The following AMPH variants were observed in gnomAD, a reference collection of about 807,000 sequenced individuals.
AMPH encodes amphiphysin.
Under a neutral mutation model 99.1 loss-of-function variants are expected in AMPH, and 49 were observed. The observed-to-expected ratio is 0.49, with a 90% confidence interval of 0.39 to 0.63. AMPH has a LOEUF of 0.63. Ranked by LOEUF, AMPH falls within the 20% of genes least tolerant of loss-of-function variation. AMPH has a pLI of 0.00. For synonymous variants in AMPH, 314 were observed against 317.3 expected (o/e 0.99, Z 0.11); for missense variants, 759 against 863.4 (o/e 0.88, Z 1.52).
At chr7:38,565,100 G>A (rs1163450048) in intron 1 of AMPH, among the ~76,000 whole-genome samples, 2 of 149,388 alleles carry the variant, frequency 1.3e-5, no homozygotes, top group African/African-American at 5.0e-5. Flanking sequence ...CTCCAGCCTG[G>A]GTGACAGAGC....
chr7:38,411,391 T>C (rs1380206082), intron 17 of AMPH, among the ~76,000 whole-genome samples: 1 of 152,182 alleles, frequency 6.6e-6, no homozygotes, highest in East Asian at 1.9e-4. Flanking sequence ...ACAAGGCAAC[T>C]TGCTGGGGAA....
chr7:38,582,957 T>G (rs1210108618), intron 1 of AMPH, among the ~76,000 whole-genome samples: 1 of 152,210 alleles, frequency 6.6e-6, no homozygotes, highest in South Asian at 2.1e-4. Flanking sequence ...TATTATATTT[T>G]TGTCTAAGGG....
intron 17 of AMPH, among the ~76,000 whole-genome samples, chr7:38,403,921 T>C (rs1562730307): frequency 6.6e-6 from 1 of 152,184 alleles, no homozygotes; most frequent in Non-Finnish European, 1.5e-5. Context: ...GCCTATGCCA[T>C]TTGGGTTTGC....
intron 1 of AMPH, among the ~76,000 whole-genome samples, chr7:38,569,262 TA>T (rs887122063): frequency 1.4e-3 from 197 of 143,282 alleles, no homozygotes; most frequent in South Asian, 1.8e-3. Context: ...TTCTACTGTT[TA>T]AAAAAAAAAA....
At chr7:38,465,255 A>G (rs1787606171) in intron 9 of AMPH, among the ~76,000 whole-genome samples, 1 of 152,210 alleles carries the variant, frequency 6.6e-6, no homozygotes, top group African/African-American at 2.4e-5. Context: ...CAGAAAGTCA[A>G]TGCTGTTGTG....
chr7:38,439,846 G>A (rs543299017), intron 11 of AMPH, among the ~76,000 whole-genome samples: 18 of 152,164 alleles, frequency 1.2e-4, no homozygotes, highest in East Asian at 9.6e-4. Flanking sequence ...GTAAAGTACC[G>A]GACCTCTTCC....
intron 2 of AMPH, among the ~76,000 whole-genome samples, chr7:38,524,428 C>T (rs1299822215): frequency 6.6e-6 from 1 of 152,220 alleles, no homozygotes; most frequent in African/African-American, 2.4e-5. Context: ...GTCTTTTCAT[C>T]CCCTTCACAG....
intron 1 of AMPH, among the ~76,000 whole-genome samples, chr7:38,537,488 A>G (rs1197124792): frequency 6.6e-6 from 1 of 152,236 alleles, no homozygotes; most frequent in African/African-American, 2.4e-5. Context: ...AAAATGTTAC[A>G]TGACCAGAAT....
At chr7:38,422,695 C>T (rs1310667031) in intron 15 of AMPH, among the ~76,000 whole-genome samples, 2 of 152,022 alleles carry the variant, frequency 1.3e-5, no homozygotes, top group Non-Finnish European at 2.9e-5. Context: ...TGATCATGCT[C>T]ACCGCATTCT....
chr7:38,390,328 T>A (rs1454744842), intron 19 of AMPH, among the ~76,000 whole-genome samples: 2 of 152,200 alleles, frequency 1.3e-5, no homozygotes, highest in African/African-American at 4.8e-5. Flanking sequence ...TAAAACTCTG[T>A]GATCAATTCT....
At chr7:38,497,736 G>A (rs1200306185) in intron 3 of AMPH, among the ~76,000 whole-genome samples, 2 of 152,190 alleles carry the variant, frequency 1.3e-5, no homozygotes, top group African/African-American at 4.8e-5. Flanking sequence ...AAAGACAGCA[G>A]CTGCCTCAAA....
At chr7:38,561,596 G>C (rs114524537) in intron 1 of AMPH, among the ~76,000 whole-genome samples, 2 of 152,338 alleles carry the variant, frequency 1.3e-5, no homozygotes, top group South Asian at 2.1e-4. Flanking sequence ...CTCAATGAAG[G>C]AGAAAGGTGG....
chr7:38,427,173 C>CAAA lies in AMPH; in HGVS notation c.1183-190_1183-188dup, dbSNP rs3056199. On this transcript the variant is annotated intron_variant, in intron 14 of 20. Transcript: ENST00000356264. ...CACTGTATGATTTTAAATAGGCTGA[C>CAAA]AAAAAAAAAAAGAAAGGTTAATTTT... Among the ~76,000 whole-genome samples the CAAA allele has an allele frequency of 9.5e-5, 14 of 147,192 alleles. No homozygotes were observed. The South Asian group carries it at 1.3e-3, about 13-fold the overall frequency.
At chr7:38,483,950 C>T (rs906757956) in intron 5 of AMPH, among the ~76,000 whole-genome samples, 3 of 151,726 alleles carry the variant, frequency 2.0e-5, no homozygotes, top group African/African-American at 7.3e-5. Flanking sequence ...AATGACAGAA[C>T]TGAAAAATAC....
chr7:38,427,808 C>T (rs1172345091), intron 14 of AMPH: 2 of 428,422 alleles, frequency 4.7e-6, no homozygotes, highest in Non-Finnish European at 9.4e-6. Flanking sequence ...AAGTCTTTGG[C>T]TAGTCTATGC....
intron 5 of AMPH, among the ~76,000 whole-genome samples, chr7:38,489,682 T>A (rs191980242): frequency 1.3e-5 from 2 of 151,856 alleles, no homozygotes; most frequent in Non-Finnish European, 2.9e-5. Flanking sequence ...ATAGAAAAAA[T>A]AACTAATAAT....
intron 1 of AMPH, among the ~76,000 whole-genome samples, chr7:38,571,298 T>TAGAATATATATATTTATATATA (rs144518063): frequency 2.6e-5 from 2 of 78,014 alleles, no homozygotes; most frequent in African/African-American, 1.1e-4. Context: ...TATTTATATA[T>TAGAATATATATATTTATATATA]GAATATATAT....
At chr7:38,506,079 C>T (rs1267043466) in intron 2 of AMPH, among the ~76,000 whole-genome samples, 1 of 152,154 alleles carries the variant, frequency 6.6e-6, no homozygotes, top group Non-Finnish European at 1.5e-5. Context: ...TCTCCCCATA[C>T]AGAATTTGTT....
Position 38,407,074 on chromosome 7 carries a change from ATATG to A in AMPH, c.1398+10747_1398+10750del, listed in dbSNP as rs1279732481. Reference sequence around the variant, plus strand: ...TATATATATATATATATATATATATATATGTGTGTGTGTGTGTGTGTGTGTGTGT... The same window carrying A: ...TATATATATATATATATATATATATATGTGTGTGTGTGTGTGTGTGTGTGT... On this transcript the variant is annotated intron_variant, in intron 17 of 20. Transcript: ENST00000356264. Among the ~76,000 whole-genome samples the A allele has an allele frequency of 3.8e-3, 124 of 32,262 alleles. 1 individual carries two copies. The highest frequency in any genetic ancestry group is 6.3e-3 in the Non-Finnish European group (106 of 16,744). The allele number at this position is 32,262 out of a possible 152,430, so 21.2% of individuals were successfully genotyped here.
Sources: gnomAD v4.1 joint callset for allele counts (sites outside exome capture counted in the v4.1 genomes callset) on GRCh38, gnomAD v4.1.1 for gene constraint, MANE v1.5 for transcripts, NCBI Gene and HGNC (gene_info 2026-07-23, HGNC 2026-07-21) for gene names.